The following PCDH15 variants were observed in gnomAD, a reference collection of about 807,000 sequenced individuals.
PCDH15 encodes protocadherin-15.
Under a neutral mutation model 178.5 loss-of-function variants are expected in PCDH15, and 129 were observed. The ratio of observed to expected loss-of-function variants is 0.72; its 90% CI spans 0.63 to 0.84. PCDH15 has a LOEUF of 0.84. Among genes scored for constraint, PCDH15 ranks in the 40% least tolerant of loss-of-function variants. PCDH15 has a pLI of 0.00. For synonymous variants in PCDH15, 800 were observed against 732.0 expected (o/e 1.09, Z -1.50); for missense variants, 2,230 against 2,099.9 (o/e 1.06, Z -1.21).
chr10:54,506,608 A>G (rs1339522979), intron 3 of PCDH15, among the ~76,000 whole-genome samples: 1 of 152,050 alleles, frequency 6.6e-6, no homozygotes, highest in Non-Finnish European at 1.5e-5. Flanking sequence ...TTTGGGTCTA[A>G]TAGAATAACA....
intron 1 of PCDH15, among the ~76,000 whole-genome samples, chr10:54,747,581 C>A (rs749592427): frequency 6.6e-6 from 1 of 152,088 alleles, no homozygotes; most frequent in Non-Finnish European, 1.5e-5. Context: ...CCAGCATTAA[C>A]CTGCATTTCC....
intron 2 of PCDH15, among the ~76,000 whole-genome samples, chr10:55,477,960 C>T (rs1427820290): frequency 1.3e-5 from 2 of 151,544 alleles, no homozygotes; most frequent in Non-Finnish European, 3.0e-5. Flanking sequence ...CCTGTAAGGA[C>T]ACAAATAGAC....
At chr10:55,394,641 A>G in intron 2 of PCDH15, among the ~76,000 whole-genome samples, 1 of 151,932 alleles carries the variant, frequency 6.6e-6, no homozygotes, top group Non-Finnish European at 1.5e-5. Context: ...TTAGATGTTT[A>G]TCTCCTAATT....
At chr10:55,450,421 AG>A (rs1172321208) in intron 2 of PCDH15, among the ~76,000 whole-genome samples, 2 of 152,200 alleles carry the variant, frequency 1.3e-5, no homozygotes, top group Non-Finnish European at 2.9e-5. Context: ...AATAGGCTAC[AG>A]GCATCTGCTG....
At chr10:54,386,099 GT>G (rs1949889178) in intron 3 of PCDH15, among the ~76,000 whole-genome samples, 2 of 98,838 alleles carry the variant, frequency 2.0e-5, no homozygotes, top group African/African-American at 4.0e-5. Flanking sequence ...TTAGTTATTA[GT>G]TGTGTGTGTG....
chr10:53,989,975 G>T (rs759039015), intron 21 of PCDH15, among the ~76,000 whole-genome samples: 2 of 152,216 alleles, frequency 1.3e-5, no homozygotes, highest in Admixed American at 1.3e-4. Context: ...AGCAAGCAGC[G>T]AATTACATGA....
At chr10:55,310,682 T>C (rs1843563626) in intron 1 of PCDH15, among the ~76,000 whole-genome samples, 1 of 152,226 alleles carries the variant, frequency 6.6e-6, no homozygotes, top group South Asian at 2.1e-4. Flanking sequence ...CATGGAATTC[T>C]ATGCAGCTGT....
intron 2 of PCDH15, among the ~76,000 whole-genome samples, chr10:55,051,692 C>T (rs905214496): frequency 6.6e-6 from 1 of 152,186 alleles, no homozygotes; most frequent in African/African-American, 2.4e-5. Context: ...CCACAACCCT[C>T]ATCATCTGCC....
At chr10:55,506,579 G>A (rs992407581) in intron 2 of PCDH15, among the ~76,000 whole-genome samples, 1 of 151,496 alleles carries the variant, frequency 6.6e-6, no homozygotes, top group Non-Finnish European at 1.5e-5. Flanking sequence ...AGATGACGAA[G>A]GTGATAAGGT....
intron 29 of PCDH15, among the ~76,000 whole-genome samples, chr10:53,838,923 A>AG (rs71004484): frequency 1 from 152,115 of 152,116 alleles, 76,057 homozygotes; most frequent in Non-Finnish European, 1. Flanking sequence ...TGAATTGATG[A>AG]GCCAGGCACG....
intron 11 of PCDH15, among the ~76,000 whole-genome samples, chr10:54,188,212 A>G (rs2028439): frequency 0.19 from 29,390 of 151,814 alleles, 3,207 homozygotes; most frequent in Non-Finnish European, 0.23. Flanking sequence ...CTGCATTCCG[A>G]TACAGTTTGA....
chr10:54,289,019 C>A (rs936003041), intron 8 of PCDH15, among the ~76,000 whole-genome samples: 2 of 152,230 alleles, frequency 1.3e-5, no homozygotes, highest in Admixed American at 6.5e-5. Flanking sequence ...GTTGTTCTCC[C>A]AGCATGGCAT....
At chr10:54,632,835 C>T (rs929455058) in intron 2 of PCDH15, among the ~76,000 whole-genome samples, 8 of 151,996 alleles carry the variant, frequency 5.3e-5, no homozygotes, top group African/African-American at 1.9e-4. Flanking sequence ...GACCTGAATA[C>T]TACCTCAAAG....
At chr10:54,828,846 A>T (rs1387750897) in intron 3 of PCDH15, among the ~76,000 whole-genome samples, 1 of 151,980 alleles carries the variant, frequency 6.6e-6, no homozygotes, top group Admixed American at 6.6e-5. Context: ...AGATAGCCAG[A>T]AGTGTTATTT....
chr10:54,592,782 T>G (rs902881349), intron 2 of PCDH15, among the ~76,000 whole-genome samples: 1 of 152,230 alleles, frequency 6.6e-6, no homozygotes, highest in Non-Finnish European at 1.5e-5. Context: ...TTTTCCATAA[T>G]GGCCACACCA....
intron 2 of PCDH15, among the ~76,000 whole-genome samples, chr10:55,084,149 A>C (rs2132028820): frequency 6.6e-6 from 1 of 152,066 alleles, no homozygotes; most frequent in East Asian, 1.9e-4. Context: ...AACTGGAGAA[A>C]TCACATTAGC....
At chr10:54,817,381 C>T (rs964985228) in intron 3 of PCDH15, among the ~76,000 whole-genome samples, 6 of 151,880 alleles carry the variant, frequency 4.0e-5, no homozygotes, top group African/African-American at 1.4e-4. Context: ...TTTCTATTAT[C>T]ACACAACTAC....
chr10:55,486,727 A>C (rs1840305980), intron 2 of PCDH15, among the ~76,000 whole-genome samples: 1 of 151,446 alleles, frequency 6.6e-6, no homozygotes, highest in Non-Finnish European at 1.5e-5. Flanking sequence ...GGCTCATCTC[A>C]AACTCCTGGC....
At chr10:54,415,295 G>A (rs1201517261) in intron 3 of PCDH15, among the ~76,000 whole-genome samples, 1 of 151,826 alleles carries the variant, frequency 6.6e-6, no homozygotes, top group African/African-American at 2.4e-5. Context: ...ACAAAGGTTA[G>A]TATTACTATG....
Sources: gnomAD v4.1 joint callset for allele counts (sites outside exome capture counted in the v4.1 genomes callset) on GRCh38, gnomAD v4.1.1 for gene constraint, MANE v1.5 for transcripts, NCBI Gene and HGNC (gene_info 2026-07-23, HGNC 2026-07-21) for gene names.